SGCD: variants seen among roughly 807,000 people sequenced by gnomAD.
SGCD encodes the protein delta-sarcoglycan.
A neutral mutation model predicts 36.6 loss-of-function variants in SGCD; 18 were observed. That is an observed-to-expected ratio of 0.49 (90% CI 0.34 to 0.73). The LOEUF (loss-of-function observed/expected upper bound fraction) is 0.73, where lower values mean the gene tolerates loss of function less well. SGCD is among the 30% of genes least tolerant of loss of function. The pLI is 0.01. For missense variants in SGCD, 387 were observed against 346.7 expected (o/e 1.12, Z -0.92); for synonymous variants, 133 against 130.6 (o/e 1.02, Z -0.12).
At chr5:156,420,494 G>T (rs1380196225) in intron 3 of SGCD, among the ~76,000 whole-genome samples, 2 of 152,076 alleles carry the variant, frequency 1.3e-5, no homozygotes, top group African/African-American at 4.8e-5. Flanking sequence ...TACTTATTTT[G>T]TGTGGATTTC....
At chr5:155,909,026 A>T (rs765822847) in intron 1 of SGCD, among the ~76,000 whole-genome samples, 2 of 152,100 alleles carry the variant, frequency 1.3e-5, no homozygotes, top group Non-Finnish European at 2.9e-5. Context: ...AGGACACAAG[A>T]AGCATGATTT....
At chr5:156,624,691 G>A (rs796955098) in intron 6 of SGCD, among the ~76,000 whole-genome samples, 13 of 152,302 alleles carry the variant, frequency 8.5e-5, no homozygotes, top group African/African-American at 2.9e-4. Flanking sequence ...GATAAAAAAT[G>A]AATTCTAGAG....
At chr5:156,692,547 A>G (rs1356314443) in intron 7 of SGCD, among the ~76,000 whole-genome samples, 1 of 152,162 alleles carries the variant, frequency 6.6e-6, no homozygotes, top group South Asian at 2.1e-4. Context: ...CTATGTACCT[A>G]TCACCCAGCT....
At chr5:156,568,820 T>C (rs2113279510) in intron 4 of SGCD, among the ~76,000 whole-genome samples, 1 of 152,348 alleles carries the variant, frequency 6.6e-6, no homozygotes. Flanking sequence ...TTTGTTTCAG[T>C]TTCTCACAGT....
chr5:156,447,661 T>C (rs1429832355), intron 3 of SGCD, among the ~76,000 whole-genome samples: 1 of 151,988 alleles, frequency 6.6e-6, no homozygotes, highest in African/African-American at 2.4e-5. Context: ...GGGAAGTTGA[T>C]GGAGGGTGGG....
chr5:156,206,107 A>G (rs2127638991), intron 3 of SGCD, among the ~76,000 whole-genome samples: 1 of 151,184 alleles, frequency 6.6e-6, no homozygotes, highest in South Asian at 2.1e-4. Context: ...GTACTCAAAG[A>G]TCATGCATGA....
At chr5:156,043,402 G>A (rs1337793245) in intron 1 of SGCD, among the ~76,000 whole-genome samples, 2 of 152,068 alleles carry the variant, frequency 1.3e-5, no homozygotes, top group Admixed American at 1.3e-4. Context: ...TCAATTAAAT[G>A]TCACCTATCC....
At chr5:156,217,172 T>C (rs1255519227) in intron 3 of SGCD, among the ~76,000 whole-genome samples, 2 of 152,240 alleles carry the variant, frequency 1.3e-5, no homozygotes, top group Non-Finnish European at 2.9e-5. Context: ...TTAACGTGAT[T>C]GACAACAGGG....
At chr5:156,698,196 C>T (rs188886893) in intron 7 of SGCD, among the ~76,000 whole-genome samples, 2 of 152,246 alleles carry the variant, frequency 1.3e-5, no homozygotes, top group East Asian at 3.9e-4. Flanking sequence ...TTAGAAACCT[C>T]ATTTCAGCTC....
chr5:156,441,241 G>T (rs541988650), intron 3 of SGCD, among the ~76,000 whole-genome samples: 1 of 152,084 alleles, frequency 6.6e-6, no homozygotes, highest in Non-Finnish European at 1.5e-5. Flanking sequence ...TCTAACAAGC[G>T]TAATACATTG....
chr5:155,998,797 T>C (rs548767777), intron 1 of SGCD, among the ~76,000 whole-genome samples: 41 of 152,332 alleles, frequency 2.7e-4, no homozygotes, highest in African/African-American at 9.1e-4. Flanking sequence ...TTTCTATGAC[T>C]TACCTGCTGG....
intron 1 of SGCD, among the ~76,000 whole-genome samples, chr5:155,877,609 C>G (rs1008943705): frequency 6.6e-6 from 1 of 152,072 alleles, no homozygotes; most frequent in Non-Finnish European, 1.5e-5. Context: ...TACAAACAGT[C>G]AAGCTTAAAT....
intron 2 of SGCD, among the ~76,000 whole-genome samples, chr5:156,120,872 C>T (rs1172423856): frequency 6.6e-6 from 1 of 152,114 alleles, no homozygotes; most frequent in African/African-American, 2.4e-5. Flanking sequence ...TTGTTTGCTT[C>T]CAATGTTGTG....
intron 4 of SGCD, among the ~76,000 whole-genome samples, chr5:156,518,468 C>G (rs1053592418): frequency 1.3e-5 from 2 of 152,164 alleles, no homozygotes; most frequent in Non-Finnish European, 2.9e-5. Flanking sequence ...GACTTGAACT[C>G]AGCTCTGGAT....
intron 1 of SGCD, among the ~76,000 whole-genome samples, chr5:155,969,220 C>T (rs1757961164): frequency 6.6e-6 from 1 of 152,048 alleles, no homozygotes; most frequent in Admixed American, 6.6e-5. Flanking sequence ...GTGGACTGGT[C>T]ATACTCATGA....
At chr5:156,301,777 C>A (rs1767059085) in intron 3 of SGCD, among the ~76,000 whole-genome samples, 1 of 150,888 alleles carries the variant, frequency 6.6e-6, no homozygotes, top group Non-Finnish European at 1.5e-5. Flanking sequence ...ACTGGATATA[C>A]TATTCTAGGA....
Position 156,487,394 on chromosome 5 carries a change from T to C in SGCD, c.193-21207T>C, listed in dbSNP as rs1344779733. ...TAGCCAAGACATAAAATAAGAAAAA[T>C]CCACTGTTACACCAGATGTGCAGAT... On this transcript the variant is annotated intron_variant, in intron 3 of 8. Transcript: ENST00000337851. Among the ~76,000 whole-genome samples the C allele has an allele frequency of 4.6e-5, 7 of 152,070 alleles. No individual in the cohort carries two copies. In the East Asian group the frequency reaches 1.4e-3, roughly 29 times the overall value.
At chr5:155,854,083 A>G in the SGCD span, among the ~76,000 whole-genome samples, 1 of 152,204 alleles carries the variant, frequency 6.6e-6, no homozygotes, top group Non-Finnish European at 1.5e-5. Flanking sequence ...CTTGCACAAC[A>G]GAAACATTAT....
the SGCD span, among the ~76,000 whole-genome samples, chr5:155,765,929 G>A: frequency 1.3e-5 from 2 of 151,990 alleles, no homozygotes; most frequent in Admixed American, 6.6e-5. Flanking sequence ...GTGCCTGGGC[G>A]TGACTGCATT....
Sources: gnomAD v4.1 joint callset for allele counts (sites outside exome capture counted in the v4.1 genomes callset) on GRCh38, gnomAD v4.1.1 for gene constraint, MANE v1.5 for transcripts, NCBI Gene and HGNC (gene_info 2026-07-23, HGNC 2026-07-21) for gene names.